The following HAUS4 variants were observed in gnomAD, a reference collection of about 807,000 sequenced individuals.
HAUS4 encodes the protein HAUS augmin-like complex subunit 4.
In HAUS4, 34 loss-of-function variants were observed where a neutral mutation model predicts 50.6. That is an observed-to-expected ratio of 0.67 (90% CI 0.51 to 0.90). HAUS4 has a LOEUF of 0.90. Among genes scored for constraint, HAUS4 ranks in the 40% least tolerant of loss-of-function variants. The pLI is 0.00. For missense variants in HAUS4, 370 were observed against 428.7 expected, an observed-to-expected ratio of 0.86 and a Z score of 1.21; for synonymous variants, 149 against 161.4, an observed-to-expected ratio of 0.92 and a Z score of 0.58.
intron 6 of HAUS4, among the ~76,000 whole-genome samples, chr14:22,949,786 G>A (rs2044717862): frequency 6.6e-6 from 1 of 151,984 alleles, no homozygotes; most frequent in African/African-American, 2.4e-5. Context: ...CCTGCAGCAG[G>A]AGGACACTCC....
chr14:22,946,781 CT>C (rs11414358), intron 9 of HAUS4, 73 bp from the exon 10 acceptor site: 87,615 of 587,890 alleles, frequency 0.15, 3 homozygotes, highest in East Asian at 0.2. Flanking sequence ...AAATGAAAAA[CT>C]TTTTTTTTTT....
chr14:22,951,952 T>C (rs2044760985), intron 4 of HAUS4, among the ~76,000 whole-genome samples: 2 of 152,172 alleles, frequency 1.3e-5, no homozygotes, highest in Admixed American at 6.6e-5. Flanking sequence ...CTAGATCACA[T>C]CATCAGACAA....
rs564951469 is a variant in HAUS4 at position 22,951,482 on chromosome 14, A to C, written c.465+73T>G. On this transcript the variant is annotated intron_variant, in intron 5 of 9. Coordinates refer to ENST00000541587, the MANE Select transcript of HAUS4 (RefSeq NM_001166269.2). ...TTTTACAAAAACAATAAAGCTTGAC[A>C]AAAAAAACATTTTAAAGATATGGGA... 156 of 1,524,668 alleles carry C rather than the reference A, an allele frequency of 1.0e-4. No homozygotes were observed. The East Asian group carries it at 3.2e-3, about 32-fold the overall frequency. The allele number at this position is 1,524,668 out of a possible 1,614,324, so 94.4% of individuals were successfully genotyped here.
intron 5 of HAUS4, 141 bp from the exon 6 acceptor site, chr14:22,950,551 A>G (rs1836286902): frequency 1.0e-5 from 6 of 579,958 alleles, no homozygotes; most frequent in Non-Finnish European, 1.9e-5. Flanking sequence ...TTTTTCACCT[A>G]TCAAATTAGC....
In HAUS4 at chr14:22,956,898, C is replaced by A. The variant is rs1054249478; in HGVS notation, c.-23+18G>T. 1 of 154,500 alleles carries A rather than the reference C, an allele frequency of 6.5e-6. No individual in the cohort carries two copies. The highest frequency in any genetic ancestry group is 2.4e-5 in the African/African-American group (1 of 41,546). The allele number at this position is 154,500 out of a possible 1,614,324, so 9.6% of individuals were successfully genotyped here. ...TCCTCTTCCCCGAAGCTCCGCCCGCCGACCCTCTAAAGCAAACCTGCACAC... is the reference window on the plus strand; with the variant it reads ...TCCTCTTCCCCGAAGCTCCGCCCGCAGACCCTCTAAAGCAAACCTGCACAC... On this transcript the variant is annotated intron_variant, in intron 1 of 9. Coordinates refer to ENST00000541587, the MANE Select transcript of HAUS4 (RefSeq NM_001166269.2).
intron 2 of HAUS4, 109 bp from the exon 3 acceptor site, chr14:22,952,792 G>A: frequency 4.9e-6 from 4 of 810,782 alleles, no homozygotes; most frequent in Non-Finnish European, 5.5e-6. Context: ...GATTTTTATA[G>A]GAAAGATTGC....
chr14:22,947,885 T>G lies in HAUS4; in HGVS notation c.691A>C (p.Ser231Arg), dbSNP rs1316229602. 2 of 1,613,300 alleles carry G rather than the reference T, an allele frequency of 1.2e-6. No homozygotes were observed. The highest frequency in any genetic ancestry group is 1.7e-6 in the Non-Finnish European group (2 of 1,179,780). ...TGATAAACCTGGGAGTAAGCAGCAC[T>G]CTTCTTCTCCAGCAGCAACATCTGC... ...KEQMLLLEKK[S>R]AAYSQVLLRC... is the part of the protein sequence containing the mutation. Residue 231 changes from serine to arginine, a missense_variant, in exon 7 of 10, where the codon AGT (serine) becomes CGT (arginine). Coordinates refer to ENST00000541587, the MANE Select transcript of HAUS4 (RefSeq NM_001166269.2).
At chr14:22,952,962 A>G (rs1325204166) in intron 2 of HAUS4, among the ~76,000 whole-genome samples, 2 of 152,228 alleles carry the variant, frequency 1.3e-5, no homozygotes, top group African/African-American at 2.4e-5. Context: ...CAAATAGAAT[A>G]AAAATTAAGG....
intron 6 of HAUS4, among the ~76,000 whole-genome samples, chr14:22,949,750 G>A (rs1231284687): frequency 6.6e-6 from 1 of 152,036 alleles, no homozygotes; most frequent in Non-Finnish European, 1.5e-5. Context: ...AAACCATTCT[G>A]AACCTCCTGA....
At chr14:22,950,128 C>CAAAAA (rs200256150) in intron 6 of HAUS4, among the ~76,000 whole-genome samples, 186 bp downstream of exon 6, 2 of 112,112 alleles carry the variant, frequency 1.8e-5, no homozygotes, top group Non-Finnish European at 3.5e-5. Context: ...AACGCCATCT[C>CAAAAA]AAAAAAAAAA....
At chr14:22,955,262 C>T in intron 1 of HAUS4, 86 bp from the exon 2 acceptor site, 1 of 854,940 alleles carries the variant, frequency 1.2e-6, no homozygotes, top group Non-Finnish European at 2.0e-6. Context: ...CAAATTTCTG[C>T]TGTCCACAAG....
intron 6 of HAUS4, among the ~76,000 whole-genome samples, chr14:22,950,069 G>A (rs1403683559): frequency 4.6e-5 from 7 of 151,178 alleles, no homozygotes; most frequent in Non-Finnish European, 8.8e-5. Flanking sequence ...AGGAGCTTGC[G>A]GTGAACAGAA....
rs2044730751 is a variant in HAUS4, at chr14:22,950,349, C to T, written c.527G>A (p.Cys176Tyr). Residue 176 changes from cysteine (C) to tyrosine (Y), a missense_variant, in exon 6 of 10, where the codon TGT becomes TAT. By Grantham distance (194) the Cys-to-Tyr change is radical. Transcript: ENST00000541587. ...ATCATAGTAGCAGAGCAGAGTGAAA[C>T]ATTTCTTTTTGAGCTGCTCCTCTAC... The part of the protein sequence containing the change: ...QEVEEQLKKK[C>Y]FTLLCYYDPN... 1 of 1,612,616 alleles carries T rather than the reference C, an allele frequency of 6.2e-7. No individual in the cohort carries two copies. The highest frequency in any genetic ancestry group is 1.3e-5 in the African/African-American group (1 of 75,000).
In HAUS4 at chr14:22,955,999, C is replaced by T. The variant is rs562561458; in HGVS notation, c.-22-823G>A. Among the ~76,000 whole-genome samples the T allele has an allele frequency of 6.6e-5, 10 of 152,262 alleles. No homozygotes were observed. The East Asian group carries it at 1.9e-3, about 29-fold the overall frequency. The stretch of plus-strand genomic sequence containing the variant: ...TTTTCATGTTTTTGCTCTGCCCCTC[C>T]TCTCTGCAAGGTATCAAACTCCAAA... On this transcript the variant is annotated intron_variant, in intron 1 of 9. Coordinates refer to ENST00000541587, the MANE Select transcript of HAUS4 (RefSeq NM_001166269.2).
rs1247263079 is a variant in HAUS4, at chr14:22,951,169, G to T, written c.465+386C>A. Among the ~76,000 whole-genome samples the T allele has an allele frequency of 3.7e-4, 54 of 144,666 alleles. No homozygotes were observed. In the East Asian group the frequency reaches 0.011, roughly 29 times the overall value. 94.9% of individuals were successfully genotyped at this position (144,666 alleles called of 152,430 possible). On this transcript the variant is annotated intron_variant, in intron 5 of 9. Coordinates refer to ENST00000541587, the MANE Select transcript of HAUS4 (RefSeq NM_001166269.2). ...GTGTGCACCACCAAACCTGGCTTTT[G>T]TTTTGTTTTTTTTTTGGTAGAGACG...
In HAUS4 at chr14:22,952,648, T is replaced by TGAGTAAAGTA; in HGVS notation, c.90_91insTACTTTACTC (p.Lys31TyrfsTer26). ...TATGGGTTCTGTAACAGGTCCTCTT[T>TGAGTAAAGTA]ACTCAGGTTACAAGGAGGAAGTTGT... On this transcript the variant is annotated frameshift_variant, in exon 3 of 10. Coordinates refer to ENST00000541587, the MANE Select transcript of HAUS4 (RefSeq NM_001166269.2). LOFTEE classifies it high-confidence loss of function. 1 of 1,610,928 alleles carries TGAGTAAAGTA rather than the reference T, an allele frequency of 6.2e-7. No individual in the cohort carries two copies. The highest frequency in any genetic ancestry group is 1.1e-5 in the South Asian group (1 of 90,356).
At chr14:22,948,386 G>C (rs1431094504) in intron 6 of HAUS4, among the ~76,000 whole-genome samples, 1 of 144,960 alleles carries the variant, frequency 6.9e-6, no homozygotes, top group African/African-American at 2.5e-5. Context: ...GAAGGTCGAG[G>C]CTGCAGTGAG....
Position 22,951,587 on chromosome 14 carries a change from C to T in HAUS4, c.433G>A (p.Ala145Thr). 1 of 1,614,086 alleles carries T rather than the reference C, an allele frequency of 6.2e-7. No homozygotes were observed. The highest frequency in any genetic ancestry group is 8.5e-7 in the Non-Finnish European group (1 of 1,179,962). ...EIPPLLGLEK[A>T]DLLELMPLSE... ...AGTGGCATGAGTTCCAGAAGGTCCG[C>T]TTTCTCCAGCCCCAGCAGTGGAGGT... Residue 145 changes from alanine to threonine, a missense_variant, in exon 5 of 10, where the codon GCG (alanine) becomes ACG (threonine). Coordinates refer to ENST00000541587, the MANE Select transcript of HAUS4 (RefSeq NM_001166269.2).
chr14:22,948,074 A>C (rs956727898), intron 6 of HAUS4, 61 bp from the exon 7 acceptor site: 42 of 1,459,288 alleles, frequency 2.9e-5, no homozygotes, highest in Non-Finnish European at 3.5e-5. Context: ...CTGTAAAGCA[A>C]CCTTCCAGTG....
Sources: allele counts gnomAD v4.1 joint callset (sites outside exome capture counted in the v4.1 genomes callset), GRCh38; gene constraint gnomAD v4.1.1; transcripts MANE v1.5; gene names NCBI Gene and HGNC (gene_info 2026-07-23, HGNC 2026-07-21).